CNTNAP2: variants seen among roughly 807,000 people sequenced by gnomAD.
CNTNAP2 encodes the protein contactin associated protein 2, also known as contactin-associated protein-like 2.
In CNTNAP2, 98 loss-of-function variants were observed where a neutral mutation model predicts 155.2. The observed-to-expected ratio is 0.63, with a 90% CI of 0.54 to 0.75. The LOEUF (loss-of-function observed/expected upper bound fraction) is 0.75, where lower values mean the gene tolerates loss of function less well. Among genes scored for constraint, CNTNAP2 ranks in the 30% least tolerant of loss-of-function variants. CNTNAP2 has a pLI of 0.00. For missense variants in CNTNAP2, 1,727 were observed against 1,688.1 expected (o/e 1.02, Z -0.40); for synonymous variants, 651 against 631.2 (o/e 1.03, Z -0.47).
intron 14 of CNTNAP2, among the ~76,000 whole-genome samples, chr7:147,943,441 CA>C (rs1375009313): frequency 6.6e-6 from 1 of 151,958 alleles, no homozygotes; most frequent in Non-Finnish European, 1.5e-5. Flanking sequence ...CTATTTAAAG[CA>C]TATTAATCTC....
chr7:146,721,253 C>A (rs1398286057), intron 1 of CNTNAP2, among the ~76,000 whole-genome samples: 1 of 131,444 alleles, frequency 7.6e-6, no homozygotes, highest in Non-Finnish European at 1.5e-5. Context: ...TCTATATTCT[C>A]TATATACTCT....
chr7:146,748,577 A>G (rs1213325324), intron 1 of CNTNAP2, among the ~76,000 whole-genome samples: 1 of 152,222 alleles, frequency 6.6e-6, no homozygotes, highest in African/African-American at 2.4e-5. Flanking sequence ...AAAGTTCACT[A>G]GTTTATAATT....
At chr7:146,554,466 T>TA (rs1798167825) in intron 1 of CNTNAP2, among the ~76,000 whole-genome samples, 3 of 152,196 alleles carry the variant, frequency 2.0e-5, no homozygotes, top group Admixed American at 6.5e-5. Context: ...ATACTTTTTT[T>TA]AAAAAATTAT....
intron 18 of CNTNAP2, among the ~76,000 whole-genome samples, chr7:148,198,030 T>C (rs1379707996): frequency 2.0e-5 from 3 of 152,216 alleles, no homozygotes; most frequent in Non-Finnish European, 2.9e-5. Flanking sequence ...ATCTTTTCCC[T>C]GCGCGAATCT....
At position 148,172,472 on chromosome 7, in the gene CNTNAP2, A is replaced by T. The variant is rs1207870788; in HGVS notation, c.3004A>T (p.Asn1002Tyr). ...SNTAYDGTFC[N>Y]KDVGAFFEEG... Reference sequence around the variant, plus strand: ...TACTGCATATGATGGAACATTTTGCAACAAAGGTAAGGTGGAACCCATTTC... The same window carrying T: ...TACTGCATATGATGGAACATTTTGCTACAAAGGTAAGGTGGAACCCATTTC... Residue 1002 changes from asparagine (N) to tyrosine (Y), a missense_variant, in exon 18 of 24, where the codon AAC becomes TAC. By Grantham distance (143) the Asn-to-Tyr change is moderately radical. Coordinates refer to ENST00000361727, the MANE Select transcript of CNTNAP2 (RefSeq NM_014141.6). The T allele has an allele frequency of 6.2e-7, 1 of 1,614,102 alleles. No individual in the cohort carries two copies. Among genetic ancestry groups the T allele is most frequent in the East Asian group, 2.2e-5 (1 of 44,886 alleles).
At chr7:147,905,898 C>T (rs1157653599) in intron 14 of CNTNAP2, among the ~76,000 whole-genome samples, 1 of 149,782 alleles carries the variant, frequency 6.7e-6, no homozygotes, top group African/African-American at 2.4e-5. Flanking sequence ...TCTCAAAAAA[C>T]AAACAAACAA....
chr7:146,980,028 T>A (rs1797983684), intron 3 of CNTNAP2, among the ~76,000 whole-genome samples: 2 of 152,202 alleles, frequency 1.3e-5, no homozygotes, highest in Non-Finnish European at 1.5e-5. Flanking sequence ...CAGGTGGATG[T>A]CCTAGTTGGT....
intron 15 of CNTNAP2, among the ~76,000 whole-genome samples, chr7:148,089,186 A>G (rs1434379690): frequency 6.6e-6 from 1 of 152,014 alleles, no homozygotes; most frequent in Admixed American, 6.6e-5. Context: ...CAACAAGCCC[A>G]TAGCTGACAT....
intron 10 of CNTNAP2, among the ~76,000 whole-genome samples, chr7:147,430,860 C>T (rs974597715): frequency 1.3e-5 from 2 of 151,822 alleles, no homozygotes; most frequent in Non-Finnish European, 2.9e-5. Context: ...GTCAGGAGAT[C>T]GAGACCATCC....
chr7:146,994,703 G>C (rs1285238738), intron 3 of CNTNAP2, among the ~76,000 whole-genome samples: 1 of 151,986 alleles, frequency 6.6e-6, no homozygotes, highest in African/African-American at 2.4e-5. Context: ...CATATCTGTG[G>C]TGATTTAAAA....
At chr7:146,747,871 G>A (rs1212961430) in intron 1 of CNTNAP2, among the ~76,000 whole-genome samples, 1 of 152,058 alleles carries the variant, frequency 6.6e-6, no homozygotes, top group Non-Finnish European at 1.5e-5. Context: ...GAACATTGAT[G>A]AAATTTTTTC....
intron 1 of CNTNAP2, among the ~76,000 whole-genome samples, chr7:146,132,096 G>C (rs1464747085): frequency 6.6e-6 from 1 of 152,142 alleles, no homozygotes; most frequent in Admixed American, 6.5e-5. Context: ...GACTAATACA[G>C]AATCTGTAAT....
chr7:146,434,218 A>G (rs1358379642), intron 1 of CNTNAP2, among the ~76,000 whole-genome samples: 1 of 152,158 alleles, frequency 6.6e-6, no homozygotes, highest in Non-Finnish European at 1.5e-5. Context: ...AGAGAATTAC[A>G]CTGTGAGGTT....
intron 19 of CNTNAP2, among the ~76,000 whole-genome samples, chr7:148,225,916 C>T (rs559170526): frequency 2.0e-5 from 3 of 152,232 alleles, no homozygotes; most frequent in African/African-American, 7.2e-5. Flanking sequence ...CAATGGAATA[C>T]TTTTGGGGAG....
intron 8 of CNTNAP2, chr7:147,161,788 A>G (rs1584764266): frequency 6.6e-6 from 1 of 152,132 alleles, no homozygotes; most frequent in Non-Finnish European, 1.5e-5. Context: ...CTGTGATGGT[A>G]TAGATTTTAT....
intron 10 of CNTNAP2, among the ~76,000 whole-genome samples, chr7:147,441,826 T>TCTCTCTCTCC: frequency 7.3e-6 from 1 of 136,902 alleles, no homozygotes; most frequent in Non-Finnish European, 1.6e-5. Flanking sequence ...TCTCTCTCTC[T>TCTCTCTCTCC]CTCTCTCTCT....
At chr7:147,902,522 C>A (rs1799886371) in intron 13 of CNTNAP2, among the ~76,000 whole-genome samples, 2 of 152,126 alleles carry the variant, frequency 1.3e-5, no homozygotes, top group African/African-American at 4.8e-5. Flanking sequence ...GAAGTATACA[C>A]TGAATCCAAT....
At chr7:147,945,338 TA>T (rs1800799621) in intron 14 of CNTNAP2, among the ~76,000 whole-genome samples, 1 of 152,172 alleles carries the variant, frequency 6.6e-6, no homozygotes, top group African/African-American at 2.4e-5. Flanking sequence ...CAATTTGGAA[TA>T]ATTAAGAAGA....
At chr7:147,549,903 C>G (rs1799817952) in intron 11 of CNTNAP2, among the ~76,000 whole-genome samples, 2 of 152,166 alleles carry the variant, frequency 1.3e-5, no homozygotes, top group African/African-American at 4.8e-5. Flanking sequence ...TTTGGTTGCA[C>G]ATGCTGTATA....
Sources: allele counts gnomAD v4.1 joint callset (sites outside exome capture counted in the v4.1 genomes callset), GRCh38; gene constraint gnomAD v4.1.1; transcripts MANE v1.5; gene names NCBI Gene and HGNC (gene_info 2026-07-23, HGNC 2026-07-21).